CPNE4: variants seen among roughly 807,000 people sequenced by gnomAD.
The protein encoded by CPNE4 is copine-4.
A neutral mutation model predicts 67.9 loss-of-function variants in CPNE4; 25 were observed. The observed-to-expected ratio is 0.37, with a 90% confidence interval of 0.27 to 0.51. The LOEUF (loss-of-function observed/expected upper bound fraction) is 0.51. CPNE4 is among the 20% of genes least tolerant of loss of function. The probability of loss-of-function intolerance (pLI) is 0.93; values close to 1 mark genes in which losing one functional copy is unlikely to be tolerated. For missense variants in CPNE4, 464 were observed against 690.8 expected, an observed-to-expected ratio of 0.67 and a Z score of 3.68; for synonymous variants, 242 against 244.9, an observed-to-expected ratio of 0.99 and a Z score of 0.11.
At chr3:131,865,018 T>TAC (rs2086872496) in intron 2 of CPNE4, among the ~76,000 whole-genome samples, 10 of 152,072 alleles carry the variant, frequency 6.6e-5, no homozygotes, top group Non-Finnish European at 1.3e-4. Context: ...TATTGATTTG[T>TAC]GTATGTTGAA....
At chr3:131,740,745 C>T (rs2082337044) in intron 2 of CPNE4, among the ~76,000 whole-genome samples, 2 of 152,192 alleles carry the variant, frequency 1.3e-5, no homozygotes, top group African/African-American at 4.8e-5. Flanking sequence ...TGATACAATT[C>T]CTCTGCTTAA....
At chr3:131,906,880 G>T (rs1273306414) in intron 1 of CPNE4, among the ~76,000 whole-genome samples, 1 of 151,738 alleles carries the variant, frequency 6.6e-6, no homozygotes, top group Non-Finnish European at 1.5e-5. Flanking sequence ...CAGTGTAAAA[G>T]TGTTCCTATT....
At chr3:131,653,739 G>C (rs553412216) in intron 7 of CPNE4, among the ~76,000 whole-genome samples, 2 of 152,182 alleles carry the variant, frequency 1.3e-5, no homozygotes, top group South Asian at 4.1e-4. Flanking sequence ...CAAACTTCCA[G>C]GTCTTTGCAC....
chr3:131,751,398 A>T (rs2082620924), intron 2 of CPNE4, among the ~76,000 whole-genome samples: 1 of 151,892 alleles, frequency 6.6e-6, no homozygotes, highest in Non-Finnish European at 1.5e-5. Context: ...CAATGTACTG[A>T]TTCTTTCCTC....
At chr3:131,861,348 T>C (rs1050976226) in intron 2 of CPNE4, among the ~76,000 whole-genome samples, 1 of 152,124 alleles carries the variant, frequency 6.6e-6, no homozygotes, top group African/African-American at 2.4e-5. Context: ...AAAATTCCTC[T>C]TGCTTTTTGT....
chr3:131,800,723 C>A (rs890354875), intron 2 of CPNE4, among the ~76,000 whole-genome samples: 1 of 152,026 alleles, frequency 6.6e-6, no homozygotes, highest in Non-Finnish European at 1.5e-5. Flanking sequence ...AAGGGTGTGG[C>A]CTTAATTCCA....
chr3:131,967,034 T>G (rs1312494820), intron 1 of CPNE4, among the ~76,000 whole-genome samples: 1 of 152,208 alleles, frequency 6.6e-6, no homozygotes, highest in Non-Finnish European at 1.5e-5. Flanking sequence ...CACGATCAAG[T>G]CAGCTTCATC....
At chr3:131,929,064 A>G (rs2070976633) in intron 1 of CPNE4, among the ~76,000 whole-genome samples, 1 of 152,096 alleles carries the variant, frequency 6.6e-6, no homozygotes, top group African/African-American at 2.4e-5. Context: ...GGAGGCCTTG[A>G]AAAGAGAGAA....
chr3:131,740,988 C>T (rs1317338248), intron 2 of CPNE4, among the ~76,000 whole-genome samples: 1 of 152,174 alleles, frequency 6.6e-6, no homozygotes, highest in African/African-American at 2.4e-5. Context: ...ATCCACATGG[C>T]TCTTTCTCTT....
intron 1 of CPNE4, among the ~76,000 whole-genome samples, chr3:131,982,530 C>G (rs1026865982): frequency 2.6e-5 from 4 of 152,158 alleles, no homozygotes; most frequent in Non-Finnish European, 4.4e-5. Flanking sequence ...TTATTATAAA[C>G]AATTTCTCAT....
At chr3:131,740,569 C>A (rs960087866) in intron 2 of CPNE4, among the ~76,000 whole-genome samples, 2 of 152,142 alleles carry the variant, frequency 1.3e-5, no homozygotes, top group Non-Finnish European at 2.9e-5. Flanking sequence ...CCGGATCTCA[C>A]GGCTTCTCAC....
chr3:131,561,862 T>C (rs928720857), intron 11 of CPNE4, among the ~76,000 whole-genome samples: 3 of 152,018 alleles, frequency 2.0e-5, no homozygotes, highest in Admixed American at 1.3e-4. Context: ...AGCGGAACCT[T>C]GTCAGTTTTC....
intron 1 of CPNE4, among the ~76,000 whole-genome samples, chr3:131,957,969 T>C (rs990480715): frequency 2.0e-5 from 3 of 152,170 alleles, no homozygotes; most frequent in Admixed American, 6.5e-5. Flanking sequence ...GAGACAGTAA[T>C]TGTGGAAGAA....
intron 11 of CPNE4, 67 bp downstream of exon 11, chr3:131,564,149 A>T: frequency 2.5e-6 from 4 of 1,588,232 alleles, no homozygotes; most frequent in Non-Finnish European, 3.5e-6. Context: ...TCTGCCCAGG[A>T]TCAGCCAAAG....
intron 1 of CPNE4, among the ~76,000 whole-genome samples, chr3:132,029,486 T>C (rs368967356): frequency 6.6e-6 from 1 of 152,136 alleles, no homozygotes; most frequent in Non-Finnish European, 1.5e-5. Flanking sequence ...CTAGCGATTG[T>C]CCATTCCAAT....
intron 5 of CPNE4, among the ~76,000 whole-genome samples, chr3:131,691,042 C>T (rs190366043): frequency 1.3e-5 from 2 of 151,966 alleles, no homozygotes; most frequent in East Asian, 3.9e-4. Flanking sequence ...ATTACTAAAA[C>T]GTCAAAAAAT....
chr3:131,923,704 CA>C (rs3041574), intron 1 of CPNE4, among the ~76,000 whole-genome samples: 10,373 of 38,730 alleles, frequency 0.27, 114 homozygotes, highest in Non-Finnish European at 0.3. Flanking sequence ...GACTCCGTCT[CA>C]AAAAAAAAAA....
intron 2 of CPNE4, among the ~76,000 whole-genome samples, chr3:131,775,770 G>A (rs1207549043): frequency 6.6e-6 from 1 of 152,120 alleles, no homozygotes; most frequent in Non-Finnish European, 1.5e-5. Flanking sequence ...TTTATCAGCA[G>A]CATGAAAACA....
At chr3:131,881,022 C>T (rs1439551541) in intron 2 of CPNE4, among the ~76,000 whole-genome samples, 2 of 152,056 alleles carry the variant, frequency 1.3e-5, no homozygotes, top group Non-Finnish European at 1.5e-5. Context: ...GAAATTGGCC[C>T]GGTACTCACA....
Sources: allele counts gnomAD v4.1 joint callset (sites outside exome capture counted in the v4.1 genomes callset), GRCh38; gene constraint gnomAD v4.1.1; transcripts MANE v1.5; gene names NCBI Gene and HGNC (gene_info 2026-07-23, HGNC 2026-07-21).